Variants in NDUFB6 observed in about 807,000 individuals in gnomAD.
NDUFB6 encodes NADH:ubiquinone oxidoreductase subunit B6.
A neutral mutation model predicts 17.5 loss-of-function variants in NDUFB6; 23 were observed. The ratio of observed to expected loss-of-function variants is 1.31; its 90% CI spans 0.94 to 1.86. The LOEUF (loss-of-function observed/expected upper bound fraction) is 1.86, where lower values mean the gene tolerates loss of function less well. NDUFB6 is among the 40% of genes most tolerant of loss of function. The pLI, the probability that NDUFB6 is intolerant of heterozygous loss-of-function variation, is 0.00. For synonymous variants in NDUFB6, 60 were observed against 53.5 expected (o/e 1.12, Z -0.53); for missense variants, 167 against 153.8 (o/e 1.09, Z -0.46).
chr9:32,571,237 A>G (rs1019565860), intron 1 of NDUFB6, among the ~76,000 whole-genome samples, 185 bp from the exon 2 acceptor site: 1 of 152,260 alleles, frequency 6.6e-6, no homozygotes, highest in Non-Finnish European at 1.5e-5. Context: ...AGAGTCTGCT[A>G]GAAGATACCT....
intron 3 of NDUFB6, 45 bp from the exon 4 acceptor site, chr9:32,553,989 A>T (rs768417322): frequency 1.6e-6 from 2 of 1,225,626 alleles, no homozygotes; most frequent in Non-Finnish European, 2.4e-6. Flanking sequence ...TTAAGTCTAC[A>T]GAGGTGATAG....
chr9:32,553,832 G>T lies in NDUFB6; in HGVS notation c.*44C>A. 2 of 1,273,934 alleles carry T rather than the reference G, an allele frequency of 1.6e-6. No homozygotes were observed. The highest frequency in any genetic ancestry group is 2.3e-6 in the Non-Finnish European group (2 of 884,220). The allele number at this position is 1,273,934 out of a possible 1,614,324, so 78.9% of individuals were successfully genotyped here. A position where few individuals can be genotyped will look rare whatever the true frequency, so the allele number is the denominator to read the frequency against. ...AAATTCAGTAAATATGGTAATATAG[G>T]AACAAACTTAGGCTCATAAGCCTTT... On this transcript the variant is annotated 3_prime_UTR_variant, in exon 4 of 4. Coordinates refer to ENST00000379847, the MANE Select transcript of NDUFB6 (RefSeq NM_002493.5).
chr9:32,558,856 A>G (rs1301990334), intron 3 of NDUFB6, 54 bp downstream of exon 3: 2 of 1,264,668 alleles, frequency 1.6e-6, no homozygotes, highest in Non-Finnish European at 1.1e-6. Flanking sequence ...AAAGGGAGGA[A>G]AAGGAAAGAG....
At position 32,553,773 on chromosome 9, in the gene NDUFB6, T is replaced by G; in HGVS notation, c.*103A>C. On this transcript the variant is annotated 3_prime_UTR_variant, in exon 4 of 4. Coordinates refer to ENST00000379847, the MANE Select transcript of NDUFB6 (RefSeq NM_002493.5). Reference sequence around the variant, plus strand: ...GCTTGAAAACAGATATGACAATTTCTGAGATTAAACTTTATTAAAGTTACT... The same window carrying G: ...GCTTGAAAACAGATATGACAATTTCGGAGATTAAACTTTATTAAAGTTACT... 1 of 772,158 alleles carries G rather than the reference T, an allele frequency of 1.3e-6. No homozygotes were observed. The highest frequency in any genetic ancestry group is 2.2e-6 in the Non-Finnish European group (1 of 454,514). The allele number at this position is 772,158 out of a possible 1,614,324, so 47.8% of individuals were successfully genotyped here. A position where few individuals can be genotyped will look rare whatever the true frequency, so the allele number is the denominator to read the frequency against.
At chr9:32,568,731 C>CATATATAT (rs774854110) in intron 2 of NDUFB6, 2,929 of 92,728 alleles carry the variant, frequency 0.032, 128 homozygotes, top group East Asian at 0.079. Flanking sequence ...TGTGTGTGTG[C>CATATATAT]ATATATATAT....
intron 2 of NDUFB6, among the ~76,000 whole-genome samples, chr9:32,570,201 A>G (rs1478251412): frequency 1.3e-5 from 2 of 151,976 alleles, no homozygotes; most frequent in Non-Finnish European, 2.9e-5. Context: ...TCAGGTACCA[A>G]TATCCTATAC....
intron 2 of NDUFB6, chr9:32,567,171 C>T (rs1276592863): frequency 1.3e-5 from 6 of 475,378 alleles, no homozygotes; most frequent in Admixed American, 1.2e-4. Context: ...CAGTGGCACC[C>T]GCTGGCCAGC....
At chr9:32,564,822 A>C (rs765561778) in intron 2 of NDUFB6, among the ~76,000 whole-genome samples, 2 of 152,236 alleles carry the variant, frequency 1.3e-5, no homozygotes, top group African/African-American at 4.8e-5. Context: ...CACTTTCTTC[A>C]TAAAAGCTTG....
chr9:32,572,903 T>C lies in NDUFB6; in HGVS notation c.158A>G (p.Asn53Ser), dbSNP rs1018278181. 1.2e-6 allele frequency: 2 copies of C among 1,600,648 alleles called. No homozygotes were observed. Among genetic ancestry groups the C allele is most frequent in the Non-Finnish European group, 1.7e-6 (2 of 1,173,318 alleles). ...CACCATTTTCCTCCAAGGGGATTTA[T>C]TCTCCAAAAATTTATTCCAGAATTT... Reference protein sequence around the residue: ...MEKFWNKFLENKSPWRKMVHG... With the variant: ...MEKFWNKFLESKSPWRKMVHG... Residue 53 changes from asparagine (N) to serine (S), a missense_variant, in exon 1 of 4, where the codon AAT (asparagine) becomes AGT (serine). Physicochemically the swap from Asn to Ser is conservative, Grantham distance 46 (BLOSUM62 1). Transcript: ENST00000379847.
At chr9:32,557,470 C>CA (rs1821498119) in intron 3 of NDUFB6, among the ~76,000 whole-genome samples, 1 of 147,664 alleles carries the variant, frequency 6.8e-6, no homozygotes, top group South Asian at 2.2e-4. Flanking sequence ...ATACCCCCTA[C>CA]TTTTTTTTTT....
intron 2 of NDUFB6, chr9:32,566,747 G>A (rs562087531): frequency 1.7e-5 from 16 of 920,072 alleles, no homozygotes; most frequent in African/African-American, 3.2e-5. Context: ...ACCACAGCGG[G>A]TCCTCAGCCC....
intron 1 of NDUFB6, among the ~76,000 whole-genome samples, chr9:32,571,819 C>T (rs918818550): frequency 2.0e-5 from 3 of 152,108 alleles, no homozygotes; most frequent in Non-Finnish European, 4.4e-5. Flanking sequence ...GCCAATATTC[C>T]GATAATGTCA....
In NDUFB6 at chr9:32,573,070, G is replaced by A. The variant is rs769629204; in HGVS notation, c.-10C>T. The A allele has an allele frequency of 1.3e-6, 2 of 1,547,096 alleles. No homozygotes were observed. The highest frequency in any genetic ancestry group is 1.7e-6 in the Non-Finnish European group (2 of 1,144,992). On this transcript the variant is annotated 5_prime_UTR_variant, in exon 1 of 4. Transcript: ENST00000379847. ...GAGTGTACCCCGTCATGTCGCCGCTGGTACCAACGCAAAAGGACACGGCGC... is the reference window on the plus strand; with the variant it reads ...GAGTGTACCCCGTCATGTCGCCGCTAGTACCAACGCAAAAGGACACGGCGC...
chr9:32,556,977 C>T (rs1199491716), intron 3 of NDUFB6, among the ~76,000 whole-genome samples: 1 of 146,928 alleles, frequency 6.8e-6, no homozygotes, highest in Non-Finnish European at 1.5e-5. Flanking sequence ...TCAGCCTCCC[C>T]GGTAGCTAGG....
intron 2 of NDUFB6, chr9:32,567,778 C>T (rs1821841823): frequency 3.4e-6 from 1 of 290,384 alleles, no homozygotes; most frequent in Admixed American, 5.0e-5. Context: ...TGTGACTGTT[C>T]CACCAACTGG....
chr9:32,564,927 T>C (rs1486007050), intron 2 of NDUFB6, among the ~76,000 whole-genome samples: 2 of 152,202 alleles, frequency 1.3e-5, no homozygotes, highest in African/African-American at 4.8e-5. Flanking sequence ...AACGGCAGTT[T>C]CATGTGGTTC....
intron 2 of NDUFB6, among the ~76,000 whole-genome samples, chr9:32,562,276 C>T (rs1297234131): frequency 6.6e-6 from 1 of 152,142 alleles, no homozygotes; most frequent in African/African-American, 2.4e-5. Flanking sequence ...CTTTCTATAG[C>T]AATAAAGGAA....
At chr9:32,569,766 T>G (rs977441540) in intron 2 of NDUFB6, among the ~76,000 whole-genome samples, 1 of 152,174 alleles carries the variant, frequency 6.6e-6, no homozygotes, top group Non-Finnish European at 1.5e-5. Flanking sequence ...TCTTCCTACC[T>G]TGGCCTCTCA....
At position 32,572,436 on chromosome 9, in the gene NDUFB6, A is replaced by T. The variant is rs75611749; in HGVS notation, c.180+445T>A. ...TTTTACGGGGATCACATGGGGCTGT[A>T]CTATCAGCTAGGGGCTGGCTGTGCC... On this transcript the variant is annotated intron_variant, in intron 1 of 3. Transcript: ENST00000379847. Among the ~76,000 whole-genome samples, 30 of 152,322 alleles carry T rather than the reference A, an allele frequency of 2.0e-4. No homozygotes were observed. The East Asian group carries it at 5.2e-3, about 26-fold the overall frequency.
Sources: gnomAD v4.1 joint callset for allele counts (sites outside exome capture counted in the v4.1 genomes callset) on GRCh38, gnomAD v4.1.1 for gene constraint, MANE v1.5 for transcripts, NCBI Gene and HGNC (gene_info 2026-07-23, HGNC 2026-07-21) for gene names.